The following PLEKHA7 variants were observed in gnomAD, a reference collection of about 807,000 sequenced individuals.
PLEKHA7 encodes pleckstrin homology domain containing A7.
PLEKHA7 carries 104 observed loss-of-function variants against 170.0 expected under a neutral mutation model. The ratio of observed to expected loss-of-function variants is 0.61; its 90% CI spans 0.52 to 0.72. The LOEUF (loss-of-function observed/expected upper bound fraction) is 0.72. Ranked by LOEUF, PLEKHA7 falls within the 30% of genes least tolerant of loss-of-function variation. The pLI is 0.00. For synonymous variants in PLEKHA7, 648 were observed against 660.8 expected, an observed-to-expected ratio of 0.98 and a Z score of 0.30; for missense variants, 1,615 against 1,671.7, an observed-to-expected ratio of 0.97 and a Z score of 0.59.
At chr11:16,931,555 T>G (rs1859923435) in intron 3 of PLEKHA7, among the ~76,000 whole-genome samples, 1 of 151,884 alleles carries the variant, frequency 6.6e-6, no homozygotes, top group Non-Finnish European at 1.5e-5. Flanking sequence ...AAATCCTGTC[T>G]CTACTAAAAA....
At chr11:16,830,361 C>T (rs1008173533) in intron 9 of PLEKHA7, among the ~76,000 whole-genome samples, 25 of 152,176 alleles carry the variant, frequency 1.6e-4, no homozygotes, top group African/African-American at 5.5e-4. Context: ...ATGATGAAGG[C>T]TCCAGCTGCC....
chr11:16,789,022 G>T lies in PLEKHA7; in HGVS notation c.3357+74C>A, dbSNP rs1266285444. ...GCTCTCTCACTGGGAGGTGTGATGTGCTTGTGTTTGGGGGACTCTGAGGGG... is the reference window on the plus strand; with the variant it reads ...GCTCTCTCACTGGGAGGTGTGATGTTCTTGTGTTTGGGGGACTCTGAGGGG... On this transcript the variant is annotated intron_variant, in intron 23 of 26. Transcript: ENST00000531066. This position sits in a 1 kb window ranked among gnomAD's most constrained non-coding sequence, Gnocchi z 4.6. 1 of 1,513,810 alleles carries T rather than the reference G, an allele frequency of 6.6e-7. No individual in the cohort carries two copies. Among genetic ancestry groups the T allele is most frequent in the Non-Finnish European group, 8.9e-7 (1 of 1,124,678 alleles). The allele number at this position is 1,513,810 out of a possible 1,614,324, so 93.8% of individuals were successfully genotyped here.
At position 16,786,767 on chromosome 11, in the gene PLEKHA7, G is replaced by A. The variant is rs564824927; in HGVS notation, c.3358-380C>T. On this transcript the variant is annotated intron_variant, in intron 23 of 26. Transcript: ENST00000531066. ...TCTACAGCTGGTTCAGGAGACATAC[G>A]TCCCAGGCTCAGAATTAATGGAAAA... The A allele has an allele frequency of 3.6e-4, 350 of 985,374 alleles. 1 individual carries two copies. Among genetic ancestry groups the A allele is most frequent in the African/African-American group, 2.7e-3 (155 of 57,348 alleles). The allele number at this position is 985,374 out of a possible 1,614,324, so 61.0% of individuals were successfully genotyped here. A position where few individuals can be genotyped will look rare whatever the true frequency, so the allele number is the denominator to read the frequency against.
At chr11:16,923,736 T>C (rs1244909692) in intron 3 of PLEKHA7, among the ~76,000 whole-genome samples, 1 of 152,078 alleles carries the variant, frequency 6.6e-6, no homozygotes, top group Non-Finnish European at 1.5e-5. Context: ...AAGCCCACCC[T>C]ATTCCCCACA....
chr11:16,939,428 T>G (rs1860528383), intron 3 of PLEKHA7, among the ~76,000 whole-genome samples: 2 of 151,030 alleles, frequency 1.3e-5, no homozygotes, highest in African/African-American at 2.4e-5. Context: ...AGAAAAAAAA[T>G]AAAAAGAAAA....
At chr11:16,865,225 A>G (rs1204541689) in intron 4 of PLEKHA7, among the ~76,000 whole-genome samples, 3 of 152,280 alleles carry the variant, frequency 2.0e-5, no homozygotes, top group Admixed American at 6.5e-5. Flanking sequence ...TAACAGAACT[A>G]TTCTCCCCCT....
intron 3 of PLEKHA7, among the ~76,000 whole-genome samples, chr11:17,010,440 G>A (rs1034957286): frequency 6.6e-6 from 1 of 151,570 alleles, no homozygotes; most frequent in African/African-American, 2.4e-5. Context: ...GGACTCTGGA[G>A]AGTATTAAAA....
chr11:16,855,780 G>C (rs747919798), intron 5 of PLEKHA7, 23 bp downstream of exon 5: 2 of 1,526,034 alleles, frequency 1.3e-6, no homozygotes, highest in Non-Finnish European at 1.8e-6. Context: ...AGGGAAGGAA[G>C]GAACAAGTGG....
intron 9 of PLEKHA7, among the ~76,000 whole-genome samples, chr11:16,834,007 T>C (rs1851322041): frequency 7.1e-6 from 1 of 139,966 alleles, no homozygotes; most frequent in African/African-American, 2.5e-5. Flanking sequence ...GTTTTTTGTT[T>C]GTTTGTTTTG....
intron 3 of PLEKHA7, among the ~76,000 whole-genome samples, chr11:16,906,707 C>G (rs1387638506): frequency 1.4e-5 from 2 of 140,420 alleles, no homozygotes; most frequent in Admixed American, 7.0e-5. Flanking sequence ...TGCCTTGGCC[C>G]CCCAAAGTGC....
chr11:16,907,347 C>A (rs1426758384), intron 3 of PLEKHA7, among the ~76,000 whole-genome samples: 1 of 133,344 alleles, frequency 7.5e-6, no homozygotes, highest in Admixed American at 7.2e-5. Flanking sequence ...AAGAGAGGAG[C>A]CCCTCTGCCC....
At chr11:16,914,164 A>C (rs977296542) in intron 3 of PLEKHA7, among the ~76,000 whole-genome samples, 4 of 152,212 alleles carry the variant, frequency 2.6e-5, no homozygotes, top group Non-Finnish European at 4.4e-5. Flanking sequence ...GCTTATGTGC[A>C]TTTGAAAAAA....
chr11:16,931,391 C>T, intron 3 of PLEKHA7, among the ~76,000 whole-genome samples: 1 of 152,112 alleles, frequency 6.6e-6, no homozygotes, highest in East Asian at 1.9e-4. Flanking sequence ...CCTTTACCTT[C>T]TAGCAAGAGT....
chr11:16,913,916 C>CCCAGTTTTTT (rs934670545), intron 3 of PLEKHA7, among the ~76,000 whole-genome samples: 60 of 152,270 alleles, frequency 3.9e-4, no homozygotes, highest in African/African-American at 1.4e-3. Flanking sequence ...ATCTAGGAAT[C>CCCAGTTTTTT]CCAGTTCCAG....
At chr11:16,788,913 C>T (rs1397829620) in intron 23 of PLEKHA7, 183 bp downstream of exon 23, 1 of 727,674 alleles carries the variant, frequency 1.4e-6, no homozygotes, top group Non-Finnish European at 2.2e-6. Flanking sequence ...GTTCAGGTCA[C>T]CCTCTGACCA....
chr11:16,801,068 T>C lies in PLEKHA7; in HGVS notation c.2315A>G (p.Glu772Gly). 1 of 1,614,166 alleles carries C rather than the reference T, an allele frequency of 6.2e-7. No homozygotes were observed. The highest frequency in any genetic ancestry group is 8.5e-7 in the Non-Finnish European group (1 of 1,179,980). The change falls in exon 17 of 27, where the codon GAA becomes GGA. Residue 772 changes from glutamate to glycine, a missense_variant. Glu to Gly is a moderately conservative substitution (Grantham distance 98, BLOSUM62 -2). Transcript: ENST00000531066. ...CTTCAGGTATTCGTTCCAAGCATTT[T>C]CCATCTCCTGTTGGCCAAGACAATG... ...AELSRESTEM[E>G]NAWNEYLKLE...
At position 16,789,314 on chromosome 11, in the gene PLEKHA7, G is replaced by C. The variant is rs182055990; in HGVS notation, c.3157-18C>G. Reference sequence around the variant, plus strand: ...TTAGGTCTCTGAGGAAGAGGAGGCAGGCAAGAGAGACACAGAACAGCTGGG... The same window carrying C: ...TTAGGTCTCTGAGGAAGAGGAGGCACGCAAGAGAGACACAGAACAGCTGGG... On this transcript the variant is annotated intron_variant, in intron 22 of 26. Transcript: ENST00000531066. The surrounding 1 kb of genome is among the most constrained non-coding windows in gnomAD (Gnocchi z 4.6). 1.2e-6 allele frequency: 2 copies of C among 1,611,092 alleles called. No individual in the cohort carries two copies. Among genetic ancestry groups the C allele is most frequent in the East Asian group, 4.5e-5 (2 of 44,868 alleles).
intron 3 of PLEKHA7, among the ~76,000 whole-genome samples, chr11:16,919,091 G>C (rs527541981): frequency 1.2e-3 from 189 of 152,282 alleles, no homozygotes; most frequent in African/African-American, 4.3e-3. Flanking sequence ...GCAGATGCCT[G>C]TAATTCCAGC....
chr11:16,963,155 G>A (rs1173823760), intron 3 of PLEKHA7, among the ~76,000 whole-genome samples: 2 of 152,190 alleles, frequency 1.3e-5, no homozygotes, highest in Non-Finnish European at 2.9e-5. Context: ...TGCCACTTCT[G>A]TGCAGCTCCA....
Sources: gnomAD v4.1 joint callset for allele counts (sites outside exome capture counted in the v4.1 genomes callset) on GRCh38, gnomAD v4.1.1 for gene constraint, Gnocchi (gnomAD v3.1) non-coding constraint, MANE v1.5 for transcripts, NCBI Gene and HGNC (gene_info 2026-07-23, HGNC 2026-07-21) for gene names.